Variants in ATRNL1 observed in about 807,000 individuals in gnomAD.
ATRNL1 encodes attractin-like protein 1.
A neutral mutation model predicts 182.7 loss-of-function variants in ATRNL1; 95 were observed. That is an observed-to-expected ratio of 0.52 (90% CI 0.44 to 0.62). The LOEUF (loss-of-function observed/expected upper bound fraction) is 0.62, where lower values mean the gene tolerates loss of function less well. Ranked by LOEUF, ATRNL1 falls within the 20% of genes least tolerant of loss-of-function variation. The pLI, the probability that ATRNL1 is intolerant of heterozygous loss-of-function variation, is 0.00. For missense variants in ATRNL1, 1,471 were observed against 1,679.5 expected (o/e 0.88, Z 2.17); for synonymous variants, 576 against 568.3 (o/e 1.01, Z -0.19).
At chr10:115,190,383 A>C (rs897817382) in intron 8 of ATRNL1, among the ~76,000 whole-genome samples, 4 of 152,134 alleles carry the variant, frequency 2.6e-5, no homozygotes, top group Non-Finnish European at 5.9e-5. Flanking sequence ...TATATTAAAA[A>C]GTTTTAGTAG....
At chr10:115,496,927 A>C (rs1849577752) in intron 24 of ATRNL1, among the ~76,000 whole-genome samples, 1 of 152,000 alleles carries the variant, frequency 6.6e-6, no homozygotes, top group Non-Finnish European at 1.5e-5. Context: ...CCTGAAGTTG[A>C]ATGTGGCCTC....
At chr10:115,745,997 G>A (rs2134107940) in intron 27 of ATRNL1, among the ~76,000 whole-genome samples, 1 of 152,112 alleles carries the variant, frequency 6.6e-6, no homozygotes, top group South Asian at 2.1e-4. Context: ...TTCTTATGAG[G>A]CCTTCTTAGT....
intron 26 of ATRNL1, among the ~76,000 whole-genome samples, chr10:115,655,830 T>C (rs1338220922): frequency 6.6e-6 from 1 of 152,230 alleles, no homozygotes; most frequent in Non-Finnish European, 1.5e-5. Context: ...AGGGTCAATA[T>C]ATTTTCTTTA....
chr10:115,330,535 TAA>T (rs2134062256), intron 18 of ATRNL1, among the ~76,000 whole-genome samples: 1 of 152,256 alleles, frequency 6.6e-6, no homozygotes, highest in East Asian at 1.9e-4. Context: ...TTCTAATTAA[TAA>T]GTTTGCTCTA....
intron 28 of ATRNL1, among the ~76,000 whole-genome samples, chr10:115,891,496 T>C (rs1401864074): frequency 1.3e-5 from 2 of 152,226 alleles, no homozygotes; most frequent in Non-Finnish European, 2.9e-5. Context: ...AATTATATTG[T>C]GCATATATAA....
intron 26 of ATRNL1, among the ~76,000 whole-genome samples, chr10:115,610,751 T>C (rs1395800647): frequency 6.6e-6 from 1 of 152,182 alleles, no homozygotes; most frequent in Admixed American, 6.5e-5. Flanking sequence ...CGATAAATGT[T>C]ATTTAGCAAT....
rs545813773 is a variant in ATRNL1 at position 115,542,720 on chromosome 10, A to T, written c.3717-6738A>T. ...GGGCTGCCATAACAAAATAACACAG[A>T]CTAAGTGGGTTAAACAATAGAAATG... is the stretch of plus-strand genomic sequence containing the variant. On this transcript the variant is annotated intron_variant, in intron 25 of 28. Coordinates refer to ENST00000355044, the MANE Select transcript of ATRNL1 (RefSeq NM_207303.4). Among the ~76,000 whole-genome samples the T allele has an allele frequency of 2.6e-5, 4 of 152,284 alleles. No homozygotes were observed. In the South Asian group the frequency reaches 8.3e-4, roughly 32 times the overall value.
chr10:115,762,245 T>TA (rs1555073790), intron 27 of ATRNL1, among the ~76,000 whole-genome samples: 1 of 152,144 alleles, frequency 6.6e-6, no homozygotes, highest in Non-Finnish European at 1.5e-5. Context: ...TATTAATAGA[T>TA]ATGTCAGTAA....
At chr10:115,804,484 G>T (rs1360979741) in intron 27 of ATRNL1, among the ~76,000 whole-genome samples, 2 of 152,116 alleles carry the variant, frequency 1.3e-5, no homozygotes, top group Non-Finnish European at 2.9e-5. Context: ...TCTTTGCCAC[G>T]TGAGGGTACA....
intron 25 of ATRNL1, among the ~76,000 whole-genome samples, chr10:115,522,920 G>A (rs1851019204): frequency 6.6e-6 from 1 of 152,162 alleles, no homozygotes; most frequent in Non-Finnish European, 1.5e-5. Context: ...TTGGTTCCAT[G>A]TCCTGCACCC....
intron 28 of ATRNL1, among the ~76,000 whole-genome samples, chr10:115,855,349 C>T (rs1555101595): frequency 6.6e-6 from 1 of 152,148 alleles, no homozygotes; most frequent in Non-Finnish European, 1.5e-5. Flanking sequence ...TTTTCAGTCC[C>T]TTCCATACAA....
chr10:115,443,933 A>T (rs1233872073), intron 21 of ATRNL1, among the ~76,000 whole-genome samples: 3 of 152,110 alleles, frequency 2.0e-5, no homozygotes, highest in African/African-American at 7.2e-5. Context: ...TATGCAACTA[A>T]TAAAGTAGAC....
chr10:115,559,444 G>GCACA (rs1554998465), intron 26 of ATRNL1, among the ~76,000 whole-genome samples: 2 of 62,790 alleles, frequency 3.2e-5, no homozygotes, highest in African/African-American at 1.0e-4. Context: ...GTGTGTGTGT[G>GCACA]CGCGCGCGCA....
At chr10:115,433,698 A>G (rs1846268914) in intron 21 of ATRNL1, among the ~76,000 whole-genome samples, 1 of 152,156 alleles carries the variant, frequency 6.6e-6, no homozygotes, top group Non-Finnish European at 1.5e-5. Flanking sequence ...ATGATGGATA[A>G]TAAACATGAT....
intron 1 of ATRNL1, among the ~76,000 whole-genome samples, chr10:115,105,353 C>G (rs1338006225): frequency 2.0e-5 from 3 of 152,164 alleles, no homozygotes; most frequent in Admixed American, 1.3e-4. Flanking sequence ...CTGTTAAAGG[C>G]ATTCCATTCT....
At chr10:115,562,069 G>A (rs1231067324) in intron 26 of ATRNL1, among the ~76,000 whole-genome samples, 1 of 152,060 alleles carries the variant, frequency 6.6e-6, no homozygotes, top group Non-Finnish European at 1.5e-5. Flanking sequence ...AAACTTTTAC[G>A]TTAATGTTTA....
intron 18 of ATRNL1, among the ~76,000 whole-genome samples, chr10:115,321,793 T>C (rs1393453155): frequency 6.6e-6 from 1 of 151,154 alleles, no homozygotes; most frequent in Non-Finnish European, 1.5e-5. Flanking sequence ...AGAAATTAAA[T>C]GGATCTAAAT....
intron 5 of ATRNL1, among the ~76,000 whole-genome samples, chr10:115,136,548 T>C (rs564010873): frequency 1.4e-4 from 22 of 152,326 alleles, no homozygotes; most frequent in African/African-American, 4.3e-4. Flanking sequence ...CATTATAGTA[T>C]CAACAGAATA....
Position 115,093,815 on chromosome 10 carries a change from C to T in ATRNL1, c.65C>T (p.Ala22Val), listed in dbSNP as rs1554862298. The T allele has an allele frequency of 2.7e-6, 4 of 1,498,618 alleles. No homozygotes were observed. The highest frequency in any genetic ancestry group is 3.6e-6 in the Non-Finnish European group (4 of 1,125,052). The allele number at this position is 1,498,618 out of a possible 1,614,324, so 92.8% of individuals were successfully genotyped here. ...CCAGCGGCCCCGGGGGTGTGGAGGG[C>T]TCGGCCGGCGGGCGGCGGCGGCGGG... ...PQPAAPGVWR[A>V]RPAGGGGGGA... The change falls in exon 1 of 29, where the codon GCT becomes GTT. Residue 22 changes from alanine (A) to valine (V), a missense_variant. Coordinates refer to ENST00000355044, the MANE Select transcript of ATRNL1 (RefSeq NM_207303.4). The surrounding 1 kb of genome is among the most constrained non-coding windows in gnomAD (Gnocchi z 6.1).
Sources: gnomAD v4.1 joint callset for allele counts (sites outside exome capture counted in the v4.1 genomes callset) on GRCh38, gnomAD v4.1.1 for gene constraint, Gnocchi (gnomAD v3.1) non-coding constraint, MANE v1.5 for transcripts, NCBI Gene and HGNC (gene_info 2026-07-23, HGNC 2026-07-21) for gene names.